The following CPB1 variants were observed in gnomAD, a reference collection of about 807,000 sequenced individuals.
CPB1 encodes the protein carboxypeptidase B1.
In CPB1, 53 loss-of-function variants were observed where a neutral mutation model predicts 51.4. The observed-to-expected ratio is 1.03, with a 90% CI of 0.83 to 1.30. The LOEUF (loss-of-function observed/expected upper bound fraction) is 1.30, where lower values mean the gene tolerates loss of function less well. Among genes scored for constraint, CPB1 ranks in the 50% most tolerant of loss-of-function variants. The pLI is 0.00. For synonymous variants in CPB1, 189 were observed against 186.9 expected, an observed-to-expected ratio of 1.01 and a Z score of -0.09; for missense variants, 494 against 516.2, an observed-to-expected ratio of 0.96 and a Z score of 0.42.
At chr3:148,832,514 T>G (rs527522459) in intron 2 of CPB1, among the ~76,000 whole-genome samples, 1 of 151,986 alleles carries the variant, frequency 6.6e-6, no homozygotes, top group African/African-American at 2.4e-5. Context: ...GGTGAAGAAG[T>G]GGGGAGTGCT....
rs1713692329 is a variant in CPB1 at position 148,859,671 on chromosome 3, A to G, written c.1067-144A>G. 3 of 688,124 alleles carry G rather than the reference A, an allele frequency of 4.4e-6. No individual in the cohort carries two copies. The East Asian group carries it at 8.2e-5, about 19-fold the overall frequency. 42.6% of individuals were successfully genotyped at this position (688,124 alleles called of 1,614,324 possible). A position where few individuals can be genotyped will look rare whatever the true frequency, so the allele number is the denominator to read the frequency against. On this transcript the variant is annotated intron_variant, in intron 10 of 10. Transcript: ENST00000282957. ...AATTTTTTAAAACAGCCCCCATAAC[A>G]TTTATGATCCAGTTTACTAGAAAAT...
chr3:148,829,805 C>T (rs1353805613), intron 2 of CPB1, among the ~76,000 whole-genome samples: 1 of 152,126 alleles, frequency 6.6e-6, no homozygotes, highest in Non-Finnish European at 1.5e-5. Context: ...TATCATGAAT[C>T]TCCAATGTGC....
intron 3 of CPB1, among the ~76,000 whole-genome samples, chr3:148,836,345 T>C (rs1712901155): frequency 6.6e-6 from 1 of 152,284 alleles, no homozygotes; most frequent in Non-Finnish European, 1.5e-5. Context: ...GTCTATAACA[T>C]TTTGCTCTTT....
At chr3:148,855,490 A>G (rs1415397242) in intron 9 of CPB1, 1 of 152,238 alleles carries the variant, frequency 6.6e-6, no homozygotes, top group Non-Finnish European at 1.5e-5. Context: ...TCATGTCTAA[A>G]TTGATATAAT....
intron 9 of CPB1, chr3:148,851,491 A>T (rs1019174258): frequency 6.6e-6 from 1 of 152,184 alleles, no homozygotes; most frequent in African/African-American, 2.4e-5. Context: ...TACTGAAATG[A>T]TAAGACTTGG....
chr3:148,833,304 T>C (rs551786276), intron 2 of CPB1, among the ~76,000 whole-genome samples: 1 of 152,298 alleles, frequency 6.6e-6, no homozygotes, highest in East Asian at 1.9e-4. Context: ...CCCATTGCCC[T>C]GACATTCCTT....
At chr3:148,835,066 C>A (rs1712860661) in intron 3 of CPB1, among the ~76,000 whole-genome samples, 1 of 152,096 alleles carries the variant, frequency 6.6e-6, no homozygotes, top group South Asian at 2.1e-4. Flanking sequence ...GTCTGAATGG[C>A]CCTTCTGTCC....
Position 148,841,823 on chromosome 3 carries a change from G to T in CPB1, c.475G>T (p.Val159Phe). ...TCCCTTTTCCTTTTGTTTGCAATAG[G>T]TTGGCAAAGCTGGACAAAATAAGCC... is the stretch of plus-strand genomic sequence containing the variant. Reference protein sequence around the residue: ...FEGRAIYLLKVGKAGQNKPAI... With the variant: ...FEGRAIYLLKFGKAGQNKPAI... The change falls in exon 6 of 11, where the codon GTT (valine) becomes TTT (phenylalanine). Residue 159 changes from valine to phenylalanine, a missense_variant and splice_region_variant. Transcript: ENST00000282957. 1 of 1,613,312 alleles carries T rather than the reference G, an allele frequency of 6.2e-7. No homozygotes were observed. Among genetic ancestry groups the T allele is most frequent in the East Asian group, 2.2e-5 (1 of 44,868 alleles).
chr3:148,842,844 A>C (rs868864680), intron 6 of CPB1, among the ~76,000 whole-genome samples: 2 of 152,232 alleles, frequency 1.3e-5, no homozygotes, highest in African/African-American at 2.4e-5. Flanking sequence ...ATAATAAATA[A>C]GACATATCAA....
chr3:148,834,687 T>C, intron 3 of CPB1, 65 bp downstream of exon 3: 1 of 1,506,152 alleles, frequency 6.6e-7, no homozygotes, highest in Non-Finnish European at 9.1e-7. Context: ...AGCCTTTGAA[T>C]AACTCTGGGA....
Position 148,827,999 on chromosome 3 carries a change from C to T in CPB1, c.72-3C>T, listed in dbSNP as rs558715223. ...TCTGTGCTTCTATTATCTCATTATT[C>T]AGCGAGAAGGTGTTCCGTGTTAACG... On this transcript the variant is annotated splice_polypyrimidine_tract_variant and splice_region_variant and intron_variant, in intron 1 of 10. Transcript: ENST00000282957. 6.2e-7 allele frequency: 1 copy of T among 1,613,806 alleles called. No homozygotes were observed. Among genetic ancestry groups the T allele is most frequent in the Non-Finnish European group, 8.5e-7 (1 of 1,179,768 alleles).
chr3:148,844,571 A>G lies in CPB1; in HGVS notation c.670A>G (p.Ile224Val), dbSNP rs1249330628. ...VLPVLNIDGYIYTWTKSRFWR... is the reference protein window; with the variant it reads ...VLPVLNIDGYVYTWTKSRFWR... ...GCCTGTGCTCAATATTGATGGCTAC[A>G]TCTACACCTGGACCAAGGTATATGC... Residue 224 changes from isoleucine (I) to valine (V), a missense_variant, in exon 7 of 11, where the codon ATC (isoleucine) becomes GTC (valine). Coordinates refer to ENST00000282957, the MANE Select transcript of CPB1 (RefSeq NM_001871.3). 6.2e-7 allele frequency: 1 copy of G among 1,613,854 alleles called. No individual in the cohort carries two copies. Among genetic ancestry groups the G allele is most frequent in the Admixed American group, 1.7e-5 (1 of 59,992 alleles).
At chr3:148,850,112 T>C (rs1713380318) in intron 9 of CPB1, among the ~76,000 whole-genome samples, 1 of 152,242 alleles carries the variant, frequency 6.6e-6, no homozygotes, top group South Asian at 2.1e-4. Flanking sequence ...TGGCCCATTC[T>C]TTTGAGAGAT....
chr3:148,846,797 G>GTGTGTGTGTATA (rs1364486523), intron 9 of CPB1, among the ~76,000 whole-genome samples: 4 of 50,530 alleles, frequency 7.9e-5, no homozygotes, highest in Non-Finnish European at 1.3e-4. Context: ...GTGTGCGTGT[G>GTGTGTGTGTATA]TATATATATA....
rs1171877110 is a variant in CPB1, at chr3:148,828,072, A to G, written c.142A>G (p.Thr48Ala). 1 of 1,613,170 alleles carries G rather than the reference A, an allele frequency of 6.2e-7. No homozygotes were observed. The highest frequency in any genetic ancestry group is 1.1e-5 in the South Asian group (1 of 90,968). The stretch of plus-strand genomic sequence containing the variant: ...CATAATCCGCGAGTTGGCCAGCACG[A>G]CCCAGGTAAGTAACAATTTTGATTT... ...INIIRELAST[T>A]QIDFWKPDSV... The change falls in exon 2 of 11, where the codon ACC becomes GCC. Residue 48 changes from threonine to alanine, a missense_variant. By Grantham distance (58) the Thr-to-Ala change is moderately conservative. Transcript: ENST00000282957.
intron 10 of CPB1, 58 bp downstream of exon 10, chr3:148,857,599 G>T (rs867695603): frequency 3.4e-5 from 45 of 1,313,626 alleles, no homozygotes; most frequent in Non-Finnish European, 4.5e-5. Context: ...CCAACGAAAG[G>T]TTCCTGGGGC....
chr3:148,842,992 T>A (rs1392031266), intron 6 of CPB1, among the ~76,000 whole-genome samples: 1 of 152,274 alleles, frequency 6.6e-6, no homozygotes, highest in East Asian at 1.9e-4. Context: ...GTAAGGGACA[T>A]TCTGCAAAAT....
chr3:148,846,502 G>A (rs1015012141), intron 9 of CPB1, among the ~76,000 whole-genome samples: 2 of 151,232 alleles, frequency 1.3e-5, no homozygotes, highest in Non-Finnish European at 2.9e-5. Flanking sequence ...TTACCTAAAT[G>A]CATAAATTTG....
chr3:148,858,455 C>T (rs945012111), intron 10 of CPB1, among the ~76,000 whole-genome samples: 1 of 151,952 alleles, frequency 6.6e-6, no homozygotes, highest in African/African-American at 2.4e-5. Context: ...ACCTGTAATC[C>T]CAGCTGCTCG....
Sources: gnomAD v4.1 joint callset for allele counts (sites outside exome capture counted in the v4.1 genomes callset) on GRCh38, gnomAD v4.1.1 for gene constraint, MANE v1.5 for transcripts, NCBI Gene and HGNC (gene_info 2026-07-23, HGNC 2026-07-21) for gene names.